ADGRV1: variants seen among roughly 807,000 people sequenced by gnomAD.
ADGRV1 encodes G-protein coupled receptor 98.
A neutral mutation model predicts 596.2 loss-of-function variants in ADGRV1; 359 were observed. The observed-to-expected ratio is 0.60, with a 90% CI of 0.55 to 0.66. The LOEUF is 0.66. ADGRV1 is among the 30% of genes least tolerant of loss of function. The pLI, the probability that ADGRV1 is intolerant of heterozygous loss-of-function variation, is 0.00. For missense variants in ADGRV1, 7,274 were observed against 7,575.6 expected, an observed-to-expected ratio of 0.96 and a Z score of 1.48; for synonymous variants, 2,681 against 2,679.2, an observed-to-expected ratio of 1.00 and a Z score of -0.02.
chr5:90,759,498 A>G lies in ADGRV1; in HGVS notation c.12030A>G (p.Gly4010=), dbSNP rs1756222134. 1 of 1,612,078 alleles carries G rather than the reference A, an allele frequency of 6.2e-7. No individual in the cohort carries two copies. Among genetic ancestry groups the G allele is most frequent in the African/African-American group, 1.3e-5 (1 of 74,902 alleles). Residue 4010 remains glycine (G), a synonymous_variant, in exon 58 of 90, where the codon GGA becomes GGG. Transcript: ENST00000405460. ...ATATTTCCTTGATCAGTGTTGCTGG[A>G]GGTGGCAGACTTGGTGATGATGTTG... ...TFNISLISVA[G]GGRLGDDVVV...
intron 85 of ADGRV1, among the ~76,000 whole-genome samples, chr5:91,049,388 C>G (rs991037531): frequency 1.3e-5 from 2 of 152,130 alleles, no homozygotes; most frequent in African/African-American, 4.8e-5. Flanking sequence ...ATAGTTAAGT[C>G]TAGGCTCAGT....
Position 90,653,499 on chromosome 5 carries a change from C to T in ADGRV1, c.3925C>T (p.Pro1309Ser). 1 of 1,613,836 alleles carries T rather than the reference C, an allele frequency of 6.2e-7. No individual in the cohort carries two copies. Among genetic ancestry groups the T allele is most frequent in the Non-Finnish European group, 8.5e-7 (1 of 1,179,870 alleles). ...AGATTTTTTACTGGTTGGAATTTTC[C>T]CCACCACCGTGCATTTACAACAGCA... is the stretch of plus-strand genomic sequence containing the variant. Reference protein sequence around the residue: ...MIDFLLVGIFPTTVHLQQHMR... With the variant: ...MIDFLLVGIFSTTVHLQQHMR... The change falls in exon 20 of 90, where the codon CCC (proline) becomes TCC (serine). Residue 1309 changes from proline (P) to serine (S), a missense_variant. Physicochemically the swap from Pro to Ser is moderately conservative, Grantham distance 74. Coordinates refer to ENST00000405460, the MANE Select transcript of ADGRV1 (RefSeq NM_032119.4).
At chr5:91,123,411 T>C (rs1326885149) in intron 87 of ADGRV1, among the ~76,000 whole-genome samples, 1 of 152,138 alleles carries the variant, frequency 6.6e-6, no homozygotes, top group Non-Finnish European at 1.5e-5. Flanking sequence ...TTCTCGTAGA[T>C]GGTGCCTTCT....
Position 90,810,545 on chromosome 5 carries a change from T to C in ADGRV1, c.15285T>C (p.Thr5095=), listed in dbSNP as rs745990374. Residue 5095 remains threonine, a synonymous_variant, in exon 74 of 90, where the codon ACT becomes ACC. Coordinates refer to ENST00000405460, the MANE Select transcript of ADGRV1 (RefSeq NM_032119.4). ...AAGAATTTTTTTACATTAACCTTAC[T>C]TCAGTAGAAATTAGGGGATTACAAA... ...EIEEFFYINL[T]SVEIRGLQKF... is the part of the protein sequence containing the mutation. The C allele has an allele frequency of 2.5e-5, 41 of 1,613,682 alleles. No individual in the cohort carries two copies. In the Middle Eastern group the frequency reaches 1.3e-3, roughly 52 times the overall value.
chr5:90,707,777 T>G (rs4916686), intron 38 of ADGRV1, among the ~76,000 whole-genome samples: 112,718 of 151,824 alleles, frequency 0.74, 42,979 homozygotes, highest in African/African-American at 0.92. Flanking sequence ...TGGGTTTTTG[T>G]TTCCACCTTT....
At position 90,657,961 on chromosome 5, in the gene ADGRV1, C is replaced by A; in HGVS notation, c.4435C>A (p.Leu1479Met). The change falls in exon 21 of 90, where the codon CTG becomes ATG. Residue 1479 changes from leucine to methionine, a missense_variant. Physicochemically the swap from Leu to Met is conservative, Grantham distance 15 (BLOSUM62 2). Around this residue, in one of 5 missense-constraint regions of ADGRV1, gnomAD observed 3,643 missense variants for 3,809.2 expected, o/e 0.96. Coordinates refer to ENST00000405460, the MANE Select transcript of ADGRV1 (RefSeq NM_032119.4). ...GINGNDRFTG[L>M]MQDVRSYERK... ...AAATGGCAATGACAGATTTACAGGTCTGATGCAGGATGTGAGGTCCTATGA... is the reference window on the plus strand; with the variant it reads ...AAATGGCAATGACAGATTTACAGGTATGATGCAGGATGTGAGGTCCTATGA... The A allele has an allele frequency of 6.2e-7, 1 of 1,613,776 alleles. No homozygotes were observed. Among genetic ancestry groups the A allele is most frequent in the South Asian group, 1.1e-5 (1 of 91,032 alleles).
chr5:90,948,923 G>A (rs543759821), intron 83 of ADGRV1, among the ~76,000 whole-genome samples: 10 of 151,988 alleles, frequency 6.6e-5, no homozygotes, highest in South Asian at 2.1e-4. Context: ...AGTCGGGGCC[G>A]TCTGTGTATA....
In ADGRV1 at chr5:90,755,034, G is replaced by T. The variant is rs2149973288; in HGVS notation, c.11429G>T (p.Gly3810Val). The change falls in exon 55 of 90, where the codon GGG becomes GTG. Residue 3810 changes from glycine (G) to valine (V), a missense_variant. Around this residue, in one of 5 missense-constraint regions of ADGRV1, gnomAD observed 3,643 missense variants for 3,809.2 expected, o/e 0.96. Coordinates refer to ENST00000405460, the MANE Select transcript of ADGRV1 (RefSeq NM_032119.4). ...LQIARDKGLL[G>V]DIAIHLRAQP... ...ATAGCTCGAGATAAAGGACTACTTG[G>T]GGATATTGCCATTCACTTGAGAGCT... 1 of 1,613,282 alleles carries T rather than the reference G, an allele frequency of 6.2e-7. No individual in the cohort carries two copies.
chr5:90,890,030 T>G (rs759972063), intron 83 of ADGRV1, among the ~76,000 whole-genome samples: 2 of 152,186 alleles, frequency 1.3e-5, no homozygotes, highest in Non-Finnish European at 2.9e-5. Flanking sequence ...CTCATTATAT[T>G]GATACACTAT....
chr5:90,705,474 G>C lies in ADGRV1; in HGVS notation c.8461G>C (p.Glu2821Gln), dbSNP rs866044767. 2 of 1,613,810 alleles carry C rather than the reference G, an allele frequency of 1.2e-6. No homozygotes were observed. The highest frequency in any genetic ancestry group is 2.7e-5 in the African/African-American group (2 of 74,922). ...AAVLTVEASD[E>Q]PHGVLNFALS... ...TGTCCTCACAGTAGAAGCCAGTGAT[G>C]AACCACATGGAGTTTTAAATTTTGC... The change falls in exon 37 of 90, where the codon GAA becomes CAA. Residue 2821 changes from glutamate to glutamine, a missense_variant. By Grantham distance (29) the Glu-to-Gln change is conservative. Transcript: ENST00000405460.
At chr5:91,094,709 G>A (rs1336346692) in intron 86 of ADGRV1, among the ~76,000 whole-genome samples, 1 of 152,158 alleles carries the variant, frequency 6.6e-6, no homozygotes, top group East Asian at 1.9e-4. Context: ...GGGTAAATCG[G>A]TGCGAATGGT....
chr5:91,080,729 C>T (rs1789281598), intron 86 of ADGRV1, among the ~76,000 whole-genome samples: 1 of 151,896 alleles, frequency 6.6e-6, no homozygotes, highest in South Asian at 2.1e-4. Context: ...TCACTATTCT[C>T]ATATGTAATG....
Position 90,629,490 on chromosome 5 carries a change from C to T in ADGRV1, c.1790C>T (p.Pro597Leu). The T allele has an allele frequency of 1.2e-6, 2 of 1,613,146 alleles. No homozygotes were observed. Among genetic ancestry groups the T allele is most frequent in the Non-Finnish European group, 1.7e-6 (2 of 1,179,614 alleles). The change falls in exon 9 of 90, where the codon CCA becomes CTA. Residue 597 changes from proline (P) to leucine (L), a missense_variant. Around this residue, in one of 5 missense-constraint regions of ADGRV1, gnomAD observed 1,715 missense variants for 1,708.8 expected, o/e 1.00. Coordinates refer to ENST00000405460, the MANE Select transcript of ADGRV1 (RefSeq NM_032119.4). The stretch of plus-strand genomic sequence containing the variant: ...AAAACTCAAGTCACTACAAAATTAC[C>T]AATAAGAAATGATGCATTCCTTCAA... ...EQKTQVTTKL[P>L]IRNDAFLQNG...
chr5:90,705,878 T>C (rs1748521747), intron 37 of ADGRV1, among the ~76,000 whole-genome samples: 2 of 152,206 alleles, frequency 1.3e-5, no homozygotes, highest in Non-Finnish European at 2.9e-5. Flanking sequence ...TCCATATGTC[T>C]GTCATTCTTC....
intron 85 of ADGRV1, among the ~76,000 whole-genome samples, chr5:91,001,383 T>G (rs564019365): frequency 6.6e-6 from 1 of 152,178 alleles, no homozygotes; most frequent in Non-Finnish European, 1.5e-5. Flanking sequence ...TGGCCATTTT[T>G]CATTTTTTAA....
intron 58 of ADGRV1, among the ~76,000 whole-genome samples, chr5:90,761,728 T>G (rs979285777): frequency 6.6e-6 from 1 of 152,180 alleles, no homozygotes; most frequent in African/African-American, 2.4e-5. Context: ...AAGGGAAGAT[T>G]TAGGTTACCC....
chr5:90,668,258 C>G (rs1161597039), intron 21 of ADGRV1, among the ~76,000 whole-genome samples: 5 of 151,568 alleles, frequency 3.3e-5, no homozygotes, highest in Admixed American at 6.6e-5. Context: ...TAGCAATCAG[C>G]GAGACTCCAT....
rs746621216 is a variant in ADGRV1, at chr5:90,848,692, A to G, written c.17075A>G (p.Tyr5692Cys). 5.1e-5 allele frequency: 80 copies of G among 1,581,444 alleles called. No individual in the cohort carries two copies. Among genetic ancestry groups the G allele is most frequent in the African/African-American group, 4.1e-5 (3 of 73,496 alleles). Residue 5692 changes from tyrosine (Y) to cysteine (C), a missense_variant, in exon 79 of 90, where the codon TAT becomes TGT. By Grantham distance (194) the Tyr-to-Cys change is radical (BLOSUM62 -2). Around this residue, in one of 5 missense-constraint regions of ADGRV1, gnomAD observed 1,874 missense variants for 1,970.2 expected, o/e 0.95. Transcript: ENST00000405460. ...AFSVASRTLF[Y>C]EILCSLINPK... is the part of the protein sequence containing the mutation. ...AGTGTTGCCAGCCGAACTCTTTTCT[A>G]TGAGATTCTTTGTTCTCTTATTAAC...
intron 72 of ADGRV1, among the ~76,000 whole-genome samples, chr5:90,806,887 C>G (rs1427267439): frequency 6.6e-6 from 1 of 151,474 alleles, no homozygotes; most frequent in African/African-American, 2.4e-5. Flanking sequence ...GAGTCTTGCT[C>G]TGTCACCCAT....
Sources: allele counts gnomAD v4.1 joint callset (sites outside exome capture counted in the v4.1 genomes callset), GRCh38; gene constraint gnomAD v4.1.1; regional missense constraint gnomAD v4.1.1; transcripts MANE v1.5; gene names NCBI Gene and HGNC (gene_info 2026-07-23, HGNC 2026-07-21).